The following EML5 variants were observed in gnomAD, a reference collection of about 807,000 sequenced individuals.
The protein encoded by EML5 is echinoderm microtubule-associated protein-like 5.
A neutral mutation model predicts 250.0 loss-of-function variants in EML5; 120 were observed. That is an observed-to-expected ratio of 0.48 (90% confidence interval 0.41 to 0.56). The LOEUF (loss-of-function observed/expected upper bound fraction) is 0.56. Among genes scored for constraint, EML5 ranks in the 20% least tolerant of loss-of-function variants. The probability of loss-of-function intolerance (pLI) is 0.00; values close to 1 mark genes in which losing one functional copy is unlikely to be tolerated. For synonymous variants in EML5, 771 were observed against 806.5 expected (o/e 0.96, Z 0.75); for missense variants, 2,006 against 2,437.6 (o/e 0.82, Z 3.73).
intron 2 of EML5, among the ~76,000 whole-genome samples, chr14:88,748,510 A>G (rs1030854749): frequency 1.9e-4 from 29 of 152,312 alleles, no homozygotes; most frequent in Middle Eastern, 3.4e-3. Flanking sequence ...ACAAAGATGA[A>G]ACTGATTCAT....
Position 88,704,859 on chromosome 14 carries a change from C to A in EML5, c.2051+1G>T. 6.2e-7 allele frequency: 1 copy of A among 1,606,968 alleles called. No individual in the cohort carries two copies. The highest frequency in any genetic ancestry group is 8.5e-7 in the Non-Finnish European group (1 of 1,175,606). ...ATAAATGAAAGATAGTTGTTTTATACCCGTGAACAAAGTGTAATCGAATAC... is the reference window on the plus strand; with the variant it reads ...ATAAATGAAAGATAGTTGTTTTATAACCGTGAACAAAGTGTAATCGAATAC... On this transcript the variant is annotated splice_donor_variant, in intron 13 of 43. Coordinates refer to ENST00000554922, the MANE Select transcript of EML5 (RefSeq NM_183387.3). LOFTEE classifies it high-confidence loss of function.
intron 13 of EML5, 72 bp from the exon 14 acceptor site, chr14:88,702,704 G>T: frequency 9.3e-7 from 1 of 1,076,856 alleles, no homozygotes; most frequent in Non-Finnish European, 1.3e-6. Flanking sequence ...ATACAGGGGA[G>T]AAGTAGGTAC....
chr14:88,744,523 A>G (rs765263200), intron 3 of EML5, among the ~76,000 whole-genome samples: 33 of 152,062 alleles, frequency 2.2e-4, no homozygotes, highest in Non-Finnish European at 3.5e-4. Context: ...GTTTACATAA[A>G]GAATCCAAAC....
intron 1 of EML5, among the ~76,000 whole-genome samples, chr14:88,770,271 T>C (rs567327605): frequency 3.7e-4 from 56 of 152,318 alleles, no homozygotes; most frequent in African/African-American, 1.3e-3. Context: ...TCTGATAAGT[T>C]ATTTTAATGA....
chr14:88,736,516 T>C lies in EML5; in HGVS notation c.897A>G (p.Gly299=). The C allele has an allele frequency of 6.2e-7, 1 of 1,614,018 alleles. No homozygotes were observed. The highest frequency in any genetic ancestry group is 8.5e-7 in the Non-Finnish European group (1 of 1,179,900). Residue 299 remains glycine, a synonymous_variant, in exon 7 of 44, where the codon GGA becomes GGG. Transcript: ENST00000554922. ...VCWRGDHILV[G]TQDSEIFEIV... ...TTTCAAAAATTTCACTGTCCTGTGT[T>C]CCAACTAGAATGTGGTCACCTCGCC...
At chr14:88,688,179 G>A in intron 18 of EML5, 92 bp downstream of exon 18, 2 of 1,281,176 alleles carry the variant, frequency 1.6e-6, no homozygotes, top group Non-Finnish European at 2.2e-6. Flanking sequence ...GATAGTCCAG[G>A]CAAGTAGAAA....
chr14:88,761,058 T>C (rs1566766071), intron 1 of EML5, among the ~76,000 whole-genome samples: 2 of 152,196 alleles, frequency 1.3e-5, no homozygotes, highest in Non-Finnish European at 2.9e-5. Flanking sequence ...TGTGAGTTTT[T>C]AAAAAATAAA....
intron 1 of EML5, among the ~76,000 whole-genome samples, chr14:88,758,236 A>G (rs2094190466): frequency 6.6e-6 from 1 of 151,812 alleles, no homozygotes; most frequent in Admixed American, 6.6e-5. Flanking sequence ...CTCATTGCCC[A>G]GGCTGAAATG....
At chr14:88,775,243 T>C (rs58550317) in intron 1 of EML5, among the ~76,000 whole-genome samples, 35,606 of 152,190 alleles carry the variant, frequency 0.23, 4,366 homozygotes, top group East Asian at 0.37. Context: ...GAGTGAAAAG[T>C]AAATACTTTG....
At chr14:88,618,393 G>A (rs1451204633) in intron 40 of EML5, 62 bp from the exon 41 acceptor site, 4 of 1,425,924 alleles carry the variant, frequency 2.8e-6, no homozygotes, top group Non-Finnish European at 3.9e-6. Context: ...ATCCACAGGG[G>A]GTTTACAGAA....
intron 8 of EML5, 52 bp downstream of exon 8, chr14:88,726,489 T>C: frequency 1.3e-6 from 2 of 1,483,722 alleles, no homozygotes; most frequent in East Asian, 2.4e-5. Flanking sequence ...ATTACTTATA[T>C]TCTGTATCAC....
intron 20 of EML5, among the ~76,000 whole-genome samples, 194 bp downstream of exon 20, chr14:88,684,821 T>C (rs1299695132): frequency 7.2e-5 from 11 of 152,190 alleles, no homozygotes; most frequent in Non-Finnish European, 1.5e-5. Context: ...AAAACAAATT[T>C]TTTCTGTATA....
intron 1 of EML5, among the ~76,000 whole-genome samples, chr14:88,790,970 A>G (rs2094599980): frequency 6.6e-6 from 1 of 152,216 alleles, no homozygotes; most frequent in African/African-American, 2.4e-5. Flanking sequence ...TTTCAAAGTA[A>G]TACATTAAAT....
chr14:88,622,495 C>G, intron 37 of EML5, 109 bp downstream of exon 37: 1 of 826,800 alleles, frequency 1.2e-6, no homozygotes, highest in Non-Finnish European at 1.7e-6. Context: ...GCAAATCCAT[C>G]GTTATGCATT....
At chr14:88,618,625 T>G (rs764134823) in intron 40 of EML5, 25 bp downstream of exon 40, 1 of 1,586,304 alleles carries the variant, frequency 6.3e-7, no homozygotes, top group East Asian at 2.2e-5. Context: ...ACTTGCCACC[T>G]GGGTATACAG....
chr14:88,733,097 C>G (rs753989694), intron 7 of EML5, among the ~76,000 whole-genome samples: 1 of 152,216 alleles, frequency 6.6e-6, no homozygotes, highest in Non-Finnish European at 1.5e-5. Flanking sequence ...CTGCTTTATA[C>G]ACTTCTGTGC....
chr14:88,728,308 G>A (rs992415713), intron 7 of EML5, among the ~76,000 whole-genome samples: 19 of 151,742 alleles, frequency 1.3e-4, no homozygotes, highest in African/African-American at 3.9e-4. Context: ...AAGTACAGTT[G>A]ACCCTTGAAT....
chr14:88,632,390 G>A (rs539866440), intron 33 of EML5, among the ~76,000 whole-genome samples: 31 of 152,062 alleles, frequency 2.0e-4, no homozygotes, highest in South Asian at 1.7e-3. Flanking sequence ...GTATAAATTC[G>A]GTCATATCAC....
At chr14:88,649,952 AG>A (rs779082814) in intron 27 of EML5, 26 bp from the exon 28 acceptor site, 188 of 1,463,482 alleles carry the variant, frequency 1.3e-4, no homozygotes, top group Non-Finnish European at 1.6e-4. Context: ...GGGGGAAAAA[AG>A]TAGGAAAACA....
Sources: allele counts gnomAD v4.1 joint callset (sites outside exome capture counted in the v4.1 genomes callset), GRCh38; gene constraint gnomAD v4.1.1; transcripts MANE v1.5; gene names NCBI Gene and HGNC (gene_info 2026-07-23, HGNC 2026-07-21).